NAALADL2: variants seen among roughly 807,000 people sequenced by gnomAD.
The protein encoded by NAALADL2 is N-acetylated alpha-linked acidic dipeptidase like 2.
A neutral mutation model predicts 87.2 loss-of-function variants in NAALADL2; 76 were observed. The observed-to-expected ratio is 0.87, with a 90% confidence interval of 0.72 to 1.05. The LOEUF is 1.05. Among genes scored for constraint, NAALADL2 ranks in the 50% least tolerant of loss-of-function variants. NAALADL2 has a pLI of 0.00. For synonymous variants in NAALADL2, 354 were observed against 331.0 expected (o/e 1.07, Z -0.75); for missense variants, 1,089 against 945.8 (o/e 1.15, Z -1.99).
chr3:175,024,404 T>G (rs2108879671), intron 1 of NAALADL2, among the ~76,000 whole-genome samples: 1 of 152,154 alleles, frequency 6.6e-6, no homozygotes, highest in African/African-American at 2.4e-5. Context: ...AGTAGACTAC[T>G]GAAATGCAAA....
intron 1 of NAALADL2, among the ~76,000 whole-genome samples, chr3:175,005,771 G>A (rs1287277328): frequency 6.6e-6 from 1 of 151,920 alleles, no homozygotes; most frequent in Non-Finnish European, 1.5e-5. Context: ...AATTAATCGG[G>A]GTGTACATAC....
chr3:175,132,569 C>T (rs1419305653), intron 2 of NAALADL2, among the ~76,000 whole-genome samples: 4 of 99,186 alleles, frequency 4.0e-5, no homozygotes, highest in Admixed American at 2.8e-4. Context: ...GGCTGACCCC[C>T]CCACCTCCCT....
At chr3:175,380,892 G>T (rs1464251499) in intron 5 of NAALADL2, among the ~76,000 whole-genome samples, 1 of 150,644 alleles carries the variant, frequency 6.6e-6, no homozygotes, top group African/African-American at 2.4e-5. Context: ...TTTAAATATT[G>T]TTTTTTTTTA....
intron 2 of NAALADL2, among the ~76,000 whole-genome samples, chr3:174,645,647 A>G (rs938750707): frequency 2.0e-5 from 3 of 152,122 alleles, no homozygotes; most frequent in Admixed American, 6.5e-5. Context: ...TTTTTTTCAC[A>G]TATATATGAG....
At chr3:174,831,986 G>A (rs1722761379) in intron 3 of NAALADL2, among the ~76,000 whole-genome samples, 1 of 151,768 alleles carries the variant, frequency 6.6e-6, no homozygotes. Flanking sequence ...GCGTCTATTT[G>A]ATTCTTCTCT....
intron 11 of NAALADL2, among the ~76,000 whole-genome samples, chr3:175,705,994 C>G (rs958792811): frequency 6.6e-6 from 1 of 152,076 alleles, no homozygotes; most frequent in Non-Finnish European, 1.5e-5. Context: ...CAAATAATAA[C>G]CTTGTATTTG....
intron 11 of NAALADL2, among the ~76,000 whole-genome samples, chr3:175,702,349 G>A (rs1739108538): frequency 6.6e-6 from 1 of 151,906 alleles, no homozygotes; most frequent in Non-Finnish European, 1.5e-5. Context: ...TTATTAACAG[G>A]TTCTTCTTCA....
intron 9 of NAALADL2, among the ~76,000 whole-genome samples, chr3:175,493,261 T>TC (rs1728353514): frequency 6.6e-6 from 1 of 152,056 alleles, no homozygotes; most frequent in Non-Finnish European, 1.5e-5. Flanking sequence ...ATATAATAAA[T>TC]CTTTTTATTT....
At chr3:175,275,455 A>G (rs1753450929) in intron 4 of NAALADL2, among the ~76,000 whole-genome samples, 1 of 133,566 alleles carries the variant, frequency 7.5e-6, no homozygotes, top group African/African-American at 2.8e-5. Flanking sequence ...ACACATCTGG[A>G]CCATTTTATG....
chr3:175,566,764 A>G (rs980707092), intron 9 of NAALADL2, among the ~76,000 whole-genome samples: 7 of 152,148 alleles, frequency 4.6e-5, no homozygotes, highest in Middle Eastern at 3.4e-3. Context: ...ATTTTTTTAT[A>G]TCAGCATATC....
At chr3:175,060,046 G>C (rs1200385730) in intron 1 of NAALADL2, 1 of 362,980 alleles carries the variant, frequency 2.8e-6, no homozygotes, top group African/African-American at 2.2e-5. Flanking sequence ...AGCTGTATTT[G>C]AGAGCTGGGT....
At chr3:175,772,370 A>C (rs1232837791) in intron 13 of NAALADL2, among the ~76,000 whole-genome samples, 1 of 152,122 alleles carries the variant, frequency 6.6e-6, no homozygotes, top group Non-Finnish European at 1.5e-5. Flanking sequence ...ACTCCCTGAT[A>C]AACTACAATA....
chr3:174,767,102 C>T (rs1713901474), intron 3 of NAALADL2, among the ~76,000 whole-genome samples: 1 of 152,096 alleles, frequency 6.6e-6, no homozygotes, highest in African/African-American at 2.4e-5. Context: ...ATATGGCCTC[C>T]TGAGAGTGAA....
intron 4 of NAALADL2, among the ~76,000 whole-genome samples, chr3:175,283,554 A>C (rs1245110115): frequency 2.0e-5 from 3 of 152,132 alleles, no homozygotes; most frequent in Non-Finnish European, 4.4e-5. Context: ...AAAAGAAAAA[A>C]ATAATTTATC....
chr3:175,780,251 G>A (rs1432927959), intron 13 of NAALADL2, among the ~76,000 whole-genome samples: 2 of 151,660 alleles, frequency 1.3e-5, no homozygotes, highest in African/African-American at 2.4e-5. Flanking sequence ...ACTCCAGCCT[G>A]GGTGACAGAG....
At position 175,136,975 on chromosome 3, in the gene NAALADL2, G is replaced by A. The variant is rs538556638; in HGVS notation, c.545+39684G>A. 3.9e-5 allele frequency among the ~76,000 whole-genome samples: 6 copies of A among 152,282 alleles called. No homozygotes were observed. In the East Asian group the frequency reaches 1.2e-3, roughly 29 times the overall value. ...TTGGTGGGCAAAAATACACTTCTGTGTTATAGAATTCCCTTGATAAACCCC... is the reference window on the plus strand; with the variant it reads ...TTGGTGGGCAAAAATACACTTCTGTATTATAGAATTCCCTTGATAAACCCC... On this transcript the variant is annotated intron_variant, in intron 2 of 13. Transcript: ENST00000454872.
Position 175,775,160 on chromosome 3 carries a change from T to C in NAALADL2, c.2189+19742T>C, listed in dbSNP as rs533661547. The C allele has an allele frequency of 2.0e-5, 3 of 151,502 alleles. No homozygotes were observed. The East Asian group carries it at 5.8e-4, about 29-fold the overall frequency. 9.4% of individuals were successfully genotyped at this position (151,502 alleles called of 1,614,324 possible). A position where few individuals can be genotyped will look rare whatever the true frequency, so the allele number is the denominator to read the frequency against. On this transcript the variant is annotated intron_variant, in intron 13 of 13. Transcript: ENST00000454872. ...GGTTGGTGATGTTGTTACAGGTATC[T>C]GTGATAGTGGATGGCAAATATAGAA... is the stretch of plus-strand genomic sequence containing the variant.
intron 1 of NAALADL2, among the ~76,000 whole-genome samples, chr3:174,945,265 T>G (rs1739237889): frequency 6.6e-6 from 1 of 152,192 alleles, no homozygotes; most frequent in East Asian, 1.9e-4. Context: ...TGTACAAGGT[T>G]AGTACTGGTA....
At chr3:175,302,783 T>C (rs1757241649) in intron 4 of NAALADL2, among the ~76,000 whole-genome samples, 1 of 151,978 alleles carries the variant, frequency 6.6e-6, no homozygotes. Context: ...CAGTCACAAA[T>C]ATAAATGTAT....
Sources: allele counts gnomAD v4.1 joint callset (sites outside exome capture counted in the v4.1 genomes callset), GRCh38; gene constraint gnomAD v4.1.1; transcripts MANE v1.5; gene names NCBI Gene and HGNC (gene_info 2026-07-23, HGNC 2026-07-21).